The following ERCC6 variants were observed in gnomAD, a reference collection of about 807,000 sequenced individuals.
ERCC6 encodes DNA excision repair protein ERCC-6.
Under a neutral mutation model 158.7 loss-of-function variants are expected in ERCC6, and 116 were observed. That is an observed-to-expected ratio of 0.73 (90% CI 0.63 to 0.85). The LOEUF (loss-of-function observed/expected upper bound fraction) is 0.85, where lower values mean the gene tolerates loss of function less well. Ranked by LOEUF, ERCC6 falls within the 40% of genes least tolerant of loss-of-function variation. The pLI is 0.00. For synonymous variants in ERCC6, 678 were observed against 659.3 expected, an observed-to-expected ratio of 1.03 and a Z score of -0.43; for missense variants, 1,698 against 1,799.4, an observed-to-expected ratio of 0.94 and a Z score of 1.02.
chr10:49,524,249 T>C lies in ERCC6; in HGVS notation c.1181A>G (p.Asp394Gly), dbSNP rs569846055. 9.5e-5 allele frequency: 154 copies of C among 1,614,070 alleles called. 4 individuals carry two copies. The South Asian group carries it at 1.7e-3, about 17-fold the overall frequency. Residue 394 changes from aspartate (D) to glycine (G), a missense_variant, in exon 5 of 21, where the codon GAC becomes GGC. By Grantham distance (94) the Asp-to-Gly change is moderately conservative. Coordinates refer to ENST00000355832, the MANE Select transcript of ERCC6 (RefSeq NM_000124.4). ...EDDEVEGAEA[D>G]LSGDGTDYEL... ...ATAGTCAGTACCATCTCCAGACAGG[T>C]CCGCCTCTGCCCCCTCCACCTCGTC...
the ERCC6 span, among the ~76,000 whole-genome samples, chr10:49,440,391 G>A: frequency 1.3e-5 from 2 of 152,116 alleles, no homozygotes; most frequent in South Asian, 2.1e-4. Context: ...GGGAAAGACC[G>A]GCCCTCATGA....
intron 18 of ERCC6, among the ~76,000 whole-genome samples, chr10:49,469,665 A>G (rs1426517478): frequency 6.6e-6 from 1 of 152,212 alleles, no homozygotes; most frequent in African/African-American, 2.4e-5. Flanking sequence ...CATTGTGAAC[A>G]CAGTGACTGC....
intron 16 of ERCC6, 34 bp downstream of exon 16, chr10:49,472,342 C>T (rs369246361): frequency 3.4e-5 from 54 of 1,579,772 alleles, no homozygotes; most frequent in African/African-American, 4.0e-5. Flanking sequence ...ACTCTGGGAA[C>T]GCACAGCCAA....
rs1329171700 is a variant in ERCC6 at position 49,470,779 on chromosome 10, T to A, written c.3181A>T (p.Ile1061Leu). 2 of 1,614,076 alleles carry A rather than the reference T, an allele frequency of 1.2e-6. No homozygotes were observed. Among genetic ancestry groups the A allele is most frequent in the African/African-American group, 2.7e-5 (2 of 74,942 alleles). ...PKRKKFPASN[I>L]SVNDATSSEE... ...GATGATGTGGCATCATTTACAGATA[T>A]GTTAGAAGCAGGGAACTTCTTGCGT... Residue 1061 changes from isoleucine (I) to leucine (L), a missense_variant, in exon 18 of 21, where the codon ATA becomes TTA. Ile to Leu is a conservative substitution (Grantham distance 5, BLOSUM62 2). Coordinates refer to ENST00000355832, the MANE Select transcript of ERCC6 (RefSeq NM_000124.4).
chr10:49,533,615 A>G (rs1590493470), intron 1 of ERCC6, among the ~76,000 whole-genome samples: 1 of 151,932 alleles, frequency 6.6e-6, no homozygotes, highest in African/African-American at 2.4e-5. Context: ...CAGCCTGGGA[A>G]AGATAATGAG....
rs1345231623 is a variant in ERCC6, at chr10:49,472,506, C to A, written c.2830-36G>T. On this transcript the variant is annotated intron_variant, in intron 15 of 20. Coordinates refer to ENST00000355832, the MANE Select transcript of ERCC6 (RefSeq NM_000124.4). The stretch of plus-strand genomic sequence containing the variant: ...GAGAGAGAGACCTCTCAACGAGAAT[C>A]CTTCCCAATGACAAGCACTGACTAT... 3.8e-6 allele frequency: 6 copies of A among 1,598,650 alleles called. No individual in the cohort carries two copies. In the African/African-American group the frequency reaches 5.4e-5, roughly 14 times the overall value.
Position 49,537,342 on chromosome 10 carries a change from CA to C in ERCC6, c.-15+1619del, listed in dbSNP as rs368235215. On this transcript the variant is annotated intron_variant, in intron 1 of 20. Coordinates refer to ENST00000355832, the MANE Select transcript of ERCC6 (RefSeq NM_000124.4). ...TGGGCGACAGGGCAAGACTCCGTCT[CA>C]AAAAAAAAAAAAAAAAGAAAGAAAG... Among the ~76,000 whole-genome samples, 156 of 86,722 alleles carry C rather than the reference CA, an allele frequency of 1.8e-3. 1 individual carries two copies. Among genetic ancestry groups the C allele is most frequent in the African/African-American group, 2.2e-3 (57 of 26,074 alleles). 56.9% of individuals were successfully genotyped at this position (86,722 alleles called of 152,430 possible).
At chr10:49,528,073 T>C (rs913732795) in intron 4 of ERCC6, among the ~76,000 whole-genome samples, 6 of 152,262 alleles carry the variant, frequency 3.9e-5, no homozygotes, top group African/African-American at 1.4e-4. Context: ...ACAAATGCGA[T>C]TAATGATGTT....
At chr10:49,466,791 TA>T in intron 18 of ERCC6, among the ~76,000 whole-genome samples, 2 of 152,298 alleles carry the variant, frequency 1.3e-5, no homozygotes, top group South Asian at 4.2e-4. Flanking sequence ...TGTTGATTAG[TA>T]TATATATTTT....
At chr10:49,516,585 C>T in intron 5 of ERCC6, 4 of 1,613,998 alleles carry the variant, frequency 2.5e-6, no homozygotes, top group Non-Finnish European at 3.4e-6. Context: ...GAATTCAGAG[C>T]TAGTCAAGCC....
At chr10:49,489,587 T>C (rs1374496276) in intron 8 of ERCC6, among the ~76,000 whole-genome samples, 1 of 152,206 alleles carries the variant, frequency 6.6e-6, no homozygotes, top group African/African-American at 2.4e-5. Context: ...CTTATGCATC[T>C]ACATGTCATG....
downstream of ERCC6, among the ~76,000 whole-genome samples, chr10:49,452,350 G>A (rs1351008462): frequency 6.6e-6 from 1 of 151,744 alleles, no homozygotes; most frequent in African/African-American, 2.4e-5. Flanking sequence ...TGGTCTATTG[G>A]TCATTTAGTA....
At chr10:49,464,853 C>T (rs1243111765) in intron 18 of ERCC6, among the ~76,000 whole-genome samples, 1 of 152,242 alleles carries the variant, frequency 6.6e-6, no homozygotes, top group East Asian at 1.9e-4. Context: ...TGTATGGAAA[C>T]TCCTAGATGC....
chr10:49,501,305 C>CA (rs562149691), intron 6 of ERCC6: 8 of 151,630 alleles, frequency 5.3e-5, no homozygotes, highest in Admixed American at 1.3e-4. Flanking sequence ...CTAGCAGATG[C>CA]AAAAAAAAGC....
downstream of ERCC6, among the ~76,000 whole-genome samples, chr10:49,454,241 TGC>T (rs1315368002): frequency 1.2e-4 from 19 of 152,250 alleles, no homozygotes; most frequent in Non-Finnish European, 7.3e-5. Flanking sequence ...ACCCCTTTAG[TGC>T]ATTTTTTCCT....
intron 1 of ERCC6, among the ~76,000 whole-genome samples, chr10:49,535,951 T>C: frequency 6.6e-6 from 1 of 152,134 alleles, no homozygotes; most frequent in East Asian, 1.9e-4. Context: ...ACCCCATCTC[T>C]ACTAAAATAC....
chr10:49,473,936 A>C lies in ERCC6; in HGVS notation c.2598+91T>G. 4 of 1,189,528 alleles carry C rather than the reference A, an allele frequency of 3.4e-6. No homozygotes were observed. In the South Asian group the frequency reaches 3.7e-5, roughly 11 times the overall value. 73.7% of individuals were successfully genotyped at this position (1,189,528 alleles called of 1,614,324 possible). A position where few individuals can be genotyped will look rare whatever the true frequency, so the allele number is the denominator to read the frequency against. On this transcript the variant is annotated intron_variant, in intron 13 of 20. Coordinates refer to ENST00000355832, the MANE Select transcript of ERCC6 (RefSeq NM_000124.4). ...TCAGCATCAGTGGTAGACTTGCTTC[A>C]GAATCATTACTTTAGATTGAATCCC... is the stretch of plus-strand genomic sequence containing the variant.
At chr10:49,526,110 TATATTTTTA>T (rs1837322700) in intron 4 of ERCC6, among the ~76,000 whole-genome samples, 2 of 75,924 alleles carry the variant, frequency 2.6e-5, no homozygotes, top group South Asian at 4.2e-4. Flanking sequence ...TATATATTTA[TATATTTTTA>T]TATATATATA....
chr10:49,478,615 G>T (rs977362301), intron 10 of ERCC6, 145 bp from the exon 11 acceptor site: 9 of 701,342 alleles, frequency 1.3e-5, no homozygotes, highest in Non-Finnish European at 1.8e-5. Flanking sequence ...TTGCAAAATG[G>T]TTTGAAAAAG....
Sources: allele counts gnomAD v4.1 joint callset (sites outside exome capture counted in the v4.1 genomes callset), GRCh38; gene constraint gnomAD v4.1.1; transcripts MANE v1.5; gene names NCBI Gene and HGNC (gene_info 2026-07-23, HGNC 2026-07-21).